Variants in SLC11A1 observed in about 807,000 individuals in gnomAD.
SLC11A1 encodes natural resistance-associated macrophage protein 1.
In SLC11A1, 59 loss-of-function variants were observed where a neutral mutation model predicts 63.2. The ratio of observed to expected loss-of-function variants is 0.93; its 90% CI spans 0.76 to 1.16. The LOEUF (loss-of-function observed/expected upper bound fraction) is 1.16, where lower values mean the gene tolerates loss of function less well. Ranked by LOEUF, SLC11A1 falls within the 50% of genes most tolerant of loss-of-function variation. The pLI, the probability that SLC11A1 is intolerant of heterozygous loss-of-function variation, is 0.00. For missense variants in SLC11A1, 688 were observed against 730.7 expected (o/e 0.94, Z 0.67); for synonymous variants, 305 against 307.8 (o/e 0.99, Z 0.09).
intron 8 of SLC11A1, among the ~76,000 whole-genome samples, chr2:218,389,507 T>C (rs1474696950): frequency 6.6e-6 from 1 of 152,104 alleles, no homozygotes; most frequent in Non-Finnish European, 1.5e-5. Flanking sequence ...GAGCCATGCA[T>C]TGCACCACGG....
At chr2:218,383,190 T>A (rs766265046) in intron 2 of SLC11A1, 88 bp downstream of exon 2, 29 of 1,462,468 alleles carry the variant, frequency 2.0e-5, no homozygotes, top group Non-Finnish European at 2.7e-5. Flanking sequence ...CTCCTTATGA[T>A]CATGGGTGGC....
intron 5 of SLC11A1, 79 bp downstream of exon 5, chr2:218,386,820 C>T: frequency 9.5e-7 from 1 of 1,053,888 alleles, no homozygotes; most frequent in Non-Finnish European, 1.5e-6. Flanking sequence ...CCAGTCCCTC[C>T]CAGAGTCTAT....
intron 8 of SLC11A1, 71 bp from the exon 9 acceptor site, chr2:218,389,799 G>C: frequency 6.7e-7 from 1 of 1,497,422 alleles, no homozygotes; most frequent in South Asian, 1.3e-5. Context: ...GAACATAGAA[G>C]TGTGAGGGTG....
chr2:218,396,154 C>T lies in SLC11A1; in HGVS notation c.*1119C>T, dbSNP rs566895770. Reference sequence around the variant, plus strand: ...CACCCCTCCCCGCCAGGCGGAACGACGCGGGGAGGCGGGCGCTCGGGGCTC... The same window carrying T: ...CACCCCTCCCCGCCAGGCGGAACGATGCGGGGAGGCGGGCGCTCGGGGCTC... On this transcript the variant is annotated 3_prime_UTR_variant, in exon 15 of 15. Coordinates refer to ENST00000233202, the MANE Select transcript of SLC11A1 (RefSeq NM_000578.4). 12 of 145,874 alleles carry T rather than the reference C, an allele frequency of 8.2e-5. No homozygotes were observed. The East Asian group carries it at 2.5e-3, about 30-fold the overall frequency. 9.0% of individuals were successfully genotyped at this position (145,874 alleles called of 1,614,324 possible). A position where few individuals can be genotyped will look rare whatever the true frequency, so the allele number is the denominator to read the frequency against.
Position 218,388,042 on chromosome 2 carries a change from G to C in SLC11A1, c.795+87G>C. On this transcript the variant is annotated intron_variant, in intron 8 of 14. Transcript: ENST00000233202. ...TCCAAGCCTGGAGCCCCTCCCCTCTGGCTCCTTCCCTCAGGATTTGCGGAG... is the reference window on the plus strand; with the variant it reads ...TCCAAGCCTGGAGCCCCTCCCCTCTCGCTCCTTCCCTCAGGATTTGCGGAG... The C allele has an allele frequency of 2.1e-6, 3 of 1,411,056 alleles. No individual in the cohort carries two copies. In the South Asian group the frequency reaches 4.4e-5, roughly 21 times the overall value. The allele number at this position is 1,411,056 out of a possible 1,614,324, so 87.4% of individuals were successfully genotyped here.
chr2:218,394,439 C>G (rs1361665343), intron 13 of SLC11A1, 193 bp from the exon 14 acceptor site: 3 of 723,536 alleles, frequency 4.1e-6, no homozygotes, highest in Non-Finnish European at 6.7e-6. Flanking sequence ...TTGCCAAATC[C>G]CGCCAGTGTG....
In SLC11A1 at chr2:218,394,156, AG is replaced by A; in HGVS notation, c.1352del (p.Ser451ThrfsTer14). ...CGTGCTGCCCATCCTCACGTTCACC[AG>A]CATGCCCACCCTCATGCAGGAGTTT... ...FAVLPILTFT[S>X]MPTLMQEFAN... On this transcript the variant is annotated frameshift_variant, in exon 13 of 15. Coordinates refer to ENST00000233202, the MANE Select transcript of SLC11A1 (RefSeq NM_000578.4). LOFTEE classifies it high-confidence loss of function. The A allele has an allele frequency of 6.2e-7, 1 of 1,614,084 alleles. No homozygotes were observed. Among genetic ancestry groups the A allele is most frequent in the Non-Finnish European group, 8.5e-7 (1 of 1,180,000 alleles).
chr2:218,391,547 C>A, intron 11 of SLC11A1, 52 bp downstream of exon 11: 1 of 1,536,560 alleles, frequency 6.5e-7, no homozygotes, highest in South Asian at 1.2e-5. Context: ...ACAGCAGGCA[C>A]ACTACTGGGG....
Position 218,394,748 on chromosome 2 carries a change from T to G in SLC11A1, c.1505T>G (p.Leu502Trp). 6.2e-7 allele frequency: 1 copy of G among 1,613,682 alleles called. No homozygotes were observed. Among genetic ancestry groups the G allele is most frequent in the Non-Finnish European group, 8.5e-7 (1 of 1,180,050 alleles). The change falls in exon 14 of 15, where the codon TTG becomes TGG. Residue 502 changes from leucine to tryptophan, a missense_variant. Coordinates refer to ENST00000233202, the MANE Select transcript of SLC11A1 (RefSeq NM_000578.4). ...PHPAYFGLAA[L>W]LAAAYLGLST... The stretch of plus-strand genomic sequence containing the variant: ...CCTGCCTACTTCGGCCTTGCAGCCT[T>G]GCTGGCCGCAGCCTACCTGGGCCTC...
chr2:218,382,959 G>C lies in SLC11A1; in HGVS notation c.8-1G>C. 6.2e-7 allele frequency: 1 copy of C among 1,614,052 alleles called. No individual in the cohort carries two copies. The highest frequency in any genetic ancestry group is 8.5e-7 in the Non-Finnish European group (1 of 1,180,004). On this transcript the variant is annotated splice_acceptor_variant, in intron 1 of 14. Coordinates refer to ENST00000233202, the MANE Select transcript of SLC11A1 (RefSeq NM_000578.4). LOFTEE classifies it high-confidence loss of function. Reference sequence around the variant, plus strand: ...TCACCATGCTTCATGGGCCCCCACAGGTGACAAGGGTCCCCAAAGGCTAAG... The same window carrying C: ...TCACCATGCTTCATGGGCCCCCACACGTGACAAGGGTCCCCAAAGGCTAAG...
chr2:218,391,592 T>C, intron 11 of SLC11A1, 97 bp downstream of exon 11: 1 of 1,293,842 alleles, frequency 7.7e-7, no homozygotes, highest in South Asian at 1.5e-5. Flanking sequence ...CCTCTTTTCT[T>C]TTCTTTCTTT....
Position 218,393,474 on chromosome 2 carries a change from ATTT to A in SLC11A1, c.1314+361_1314+363del, listed in dbSNP as rs34589602. 2.8e-3 allele frequency among the ~76,000 whole-genome samples: 365 copies of A among 130,328 alleles called. 1 individual carries two copies. Among genetic ancestry groups the A allele is most frequent in the South Asian group, 8.5e-3 (33 of 3,904 alleles). The allele number at this position is 130,328 out of a possible 152,430, so 85.5% of individuals were successfully genotyped here. On this transcript the variant is annotated intron_variant, in intron 12 of 14. Coordinates refer to ENST00000233202, the MANE Select transcript of SLC11A1 (RefSeq NM_000578.4). Reference sequence around the variant, plus strand: ...AGGTGCATGCCATCACACCCAGCTAATTTTTTTTTTTTTTTTTTTGAGACGGAG... The same window carrying A: ...AGGTGCATGCCATCACACCCAGCTAATTTTTTTTTTTTTTTTGAGACGGAG...
chr2:218,382,937 C>T, intron 1 of SLC11A1, 23 bp from the exon 2 acceptor site: 1 of 1,613,994 alleles, frequency 6.2e-7, no homozygotes, highest in Non-Finnish European at 8.5e-7. Context: ...AGGACACTCA[C>T]CATGCTTCAT....
chr2:218,389,935 GGCCACCATC>G lies in SLC11A1; in HGVS notation c.865_873del (p.Thr289_Ala291del). The G allele has an allele frequency of 6.2e-7, 1 of 1,614,050 alleles. No homozygotes were observed. On this transcript the variant is annotated inframe_deletion, in exon 9 of 15. Coordinates refer to ENST00000233202, the MANE Select transcript of SLC11A1 (RefSeq NM_000578.4). Reference sequence around the variant, plus strand: ...AAGCCAACATGTACTTCCTGATTGAGGCCACCATCGCCCTGTCCGTCTCCTTTATCATCA... The same window carrying G: ...AAGCCAACATGTACTTCCTGATTGAGGCCCTGTCCGTCTCCTTTATCATCA...
Position 218,384,456 on chromosome 2 carries a change from T to G in SLC11A1, c.273+91T>G. ...GCCCCTGCTGGCCATGTTTCTCCAA[T>G]GTGGCCTGGGAGCTGGTGTTAAGTT... On this transcript the variant is annotated intron_variant, in intron 3 of 14. Coordinates refer to ENST00000233202, the MANE Select transcript of SLC11A1 (RefSeq NM_000578.4). This position sits in a 1 kb window ranked among gnomAD's most constrained non-coding sequence, Gnocchi z 4.0. 1 of 1,466,098 alleles carries G rather than the reference T, an allele frequency of 6.8e-7. No homozygotes were observed. The highest frequency in any genetic ancestry group is 1.3e-5 in the South Asian group (1 of 76,752). The allele number at this position is 1,466,098 out of a possible 1,614,324, so 90.8% of individuals were successfully genotyped here.
At position 218,383,129 on chromosome 2, in the gene SLC11A1, C is replaced by T; in HGVS notation, c.150+27C>T. 3 of 1,610,974 alleles carry T rather than the reference C, an allele frequency of 1.9e-6. No individual in the cohort carries two copies. In the East Asian group the frequency reaches 6.7e-5, roughly 36 times the overall value. ...TGGGATGCTGGAAACTTCCTGGGGG[C>T]TTGCAAGATTGACAGGATCCTGAAG... On this transcript the variant is annotated intron_variant, in intron 2 of 14. Transcript: ENST00000233202.
At chr2:218,394,553 G>A in intron 13 of SLC11A1, 79 bp from the exon 14 acceptor site, 1 of 1,489,386 alleles carries the variant, frequency 6.7e-7, no homozygotes, top group Non-Finnish European at 9.2e-7. Context: ...CCCAGTGTGG[G>A]CGCTGGGAGA....
In SLC11A1 at chr2:218,390,016, C is replaced by A. The variant is rs770089691; in HGVS notation, c.942C>A (p.Thr314=). The A allele has an allele frequency of 6.2e-7, 1 of 1,611,666 alleles. No homozygotes were observed. ...AVFGQAFYQK[T]NQAAFNICAN... ...TTGGGCAGGCCTTCTACCAGAAAAC[C>A]AACCAGGCTGCGGTGAGACACACTT... Residue 314 remains threonine (T), a synonymous_variant, in exon 9 of 15, where the codon ACC becomes ACA. Coordinates refer to ENST00000233202, the MANE Select transcript of SLC11A1 (RefSeq NM_000578.4).
At chr2:218,394,876 TC>T (rs757042808) in intron 14 of SLC11A1, 48 bp from the exon 15 acceptor site, 6 of 1,604,506 alleles carry the variant, frequency 3.7e-6, no homozygotes, top group Non-Finnish European at 5.1e-6. Context: ...CAATGGGGCT[TC>T]CCCAGAGGTC....
Sources: allele counts gnomAD v4.1 joint callset (sites outside exome capture counted in the v4.1 genomes callset), GRCh38; gene constraint gnomAD v4.1.1; non-coding constraint Gnocchi (gnomAD v3.1); transcripts MANE v1.5; gene names NCBI Gene and HGNC (gene_info 2026-07-23, HGNC 2026-07-21).